The following ELP1 variants were observed in gnomAD, a reference collection of about 807,000 sequenced individuals.
ELP1 encodes elongator complex protein 1.
In ELP1, 131 loss-of-function variants were observed where a neutral mutation model predicts 183.2. The ratio of observed to expected loss-of-function variants is 0.72; its 90% CI spans 0.62 to 0.83. The LOEUF (loss-of-function observed/expected upper bound fraction) is 0.83. Ranked by LOEUF, ELP1 falls within the 40% of genes least tolerant of loss-of-function variation. The pLI is 0.00. For missense variants in ELP1, 1,550 were observed against 1,594.9 expected (o/e 0.97, Z 0.48); for synonymous variants, 555 against 569.0 (o/e 0.98, Z 0.35).
In ELP1 at chr9:108,906,376, G is replaced by A; in HGVS notation, c.1570C>T (p.Pro524Ser). Residue 524 changes from proline to serine, a missense_variant, in exon 14 of 37, where the codon CCC becomes TCC. Transcript: ENST00000374647. Reference protein sequence around the residue: ...FLAVSHSEFSPRSVIHHLTAA... With the variant: ...FLAVSHSEFSSRSVIHHLTAA... ...GTCAAATGGTGAATGACAGACCGGG[G>A]GCTGAACTCACTGTGGCTTACAGCC... 2 of 1,614,052 alleles carry A rather than the reference G, an allele frequency of 1.2e-6. No individual in the cohort carries two copies. The highest frequency in any genetic ancestry group is 1.7e-6 in the Non-Finnish European group (2 of 1,179,950).
intron 25 of ELP1, among the ~76,000 whole-genome samples, chr9:108,894,770 A>C (rs969581091): frequency 2.6e-5 from 4 of 152,216 alleles, no homozygotes. Flanking sequence ...AAACAAACAT[A>C]AAATTATACT....
chr9:108,921,225 C>T (rs1349380557), intron 6 of ELP1, among the ~76,000 whole-genome samples: 5 of 152,112 alleles, frequency 3.3e-5, no homozygotes, highest in Admixed American at 2.0e-4. Context: ...TCATCATCCC[C>T]AAAAGAAACC....
intron 26 of ELP1, among the ~76,000 whole-genome samples, chr9:108,893,558 G>A (rs574823360): frequency 4.6e-5 from 7 of 152,280 alleles, no homozygotes; most frequent in Admixed American, 6.5e-5. Context: ...TTAAAACTGC[G>A]TCTTGCAGGG....
chr9:108,912,376 C>T lies in ELP1; in HGVS notation c.1077G>A (p.Leu359=), dbSNP rs1183588461. 6 of 1,614,072 alleles carry T rather than the reference C, an allele frequency of 3.7e-6. No homozygotes were observed. The highest frequency in any genetic ancestry group is 5.1e-6 in the Non-Finnish European group (6 of 1,180,042). The part of the protein sequence containing the change: ...LMWDPVTPYR[L]HVLCQGWHYL... ...AATGCCAGCCCTGACAGAGAACATGCAGCCGGTATGGGGTCACAGGGTCCC... is the reference window on the plus strand; with the variant it reads ...AATGCCAGCCCTGACAGAGAACATGTAGCCGGTATGGGGTCACAGGGTCCC... Residue 359 remains leucine (L), a synonymous_variant, in exon 11 of 37, where the codon CTG becomes CTA. Coordinates refer to ENST00000374647, the MANE Select transcript of ELP1 (RefSeq NM_003640.5).
chr9:108,880,375 G>A (rs547151441), intron 31 of ELP1, among the ~76,000 whole-genome samples: 3 of 152,174 alleles, frequency 2.0e-5, no homozygotes, highest in Admixed American at 6.5e-5. Flanking sequence ...CCCAGAATAT[G>A]CGCTACCACT....
At chr9:108,872,803 T>TCAAAAAAAAA (rs1564207087) in intron 36 of ELP1, among the ~76,000 whole-genome samples, 1 of 62,788 alleles carries the variant, frequency 1.6e-5, no homozygotes, top group African/African-American at 7.8e-5. Flanking sequence ...AGACTCTGTC[T>TCAAAAAAAAA]GAAAAAAAAA....
Position 108,930,970 on chromosome 9 carries a change from T to C in ELP1, c.150+27A>G, listed in dbSNP as rs759301402. On this transcript the variant is annotated intron_variant, in intron 2 of 36. Transcript: ENST00000374647. ...AGAGAAATCAAGGGTCATACCCACATGCTGGCATTCTACATCAGTAACTTA... is the reference window on the plus strand; with the variant it reads ...AGAGAAATCAAGGGTCATACCCACACGCTGGCATTCTACATCAGTAACTTA... 1.4e-5 allele frequency: 23 copies of C among 1,613,092 alleles called. No homozygotes were observed. In the East Asian group the frequency reaches 4.7e-4, roughly 33 times the overall value.
chr9:108,897,787 G>C (rs1828615074), intron 22 of ELP1, among the ~76,000 whole-genome samples: 1 of 152,200 alleles, frequency 6.6e-6, no homozygotes. Context: ...ATCTGAAGCA[G>C]CTTTCTGAAA....
At position 108,929,938 on chromosome 9, in the gene ELP1, C is replaced by A; in HGVS notation, c.151-17G>T. 1 of 1,612,870 alleles carries A rather than the reference C, an allele frequency of 6.2e-7. No homozygotes were observed. The highest frequency in any genetic ancestry group is 1.1e-5 in the South Asian group (1 of 91,028). On this transcript the variant is annotated splice_polypyrimidine_tract_variant and intron_variant, in intron 2 of 36. Coordinates refer to ENST00000374647, the MANE Select transcript of ELP1 (RefSeq NM_003640.5). ...ATTTTTCACCTTTCACCAAAGTAAA[C>A]ACAAGCAAATTAACCCAGTCTACTT...
intron 29 of ELP1, among the ~76,000 whole-genome samples, chr9:108,883,609 A>T (rs1828012706): frequency 6.6e-6 from 1 of 151,880 alleles, no homozygotes; most frequent in Non-Finnish European, 1.5e-5. Context: ...AAATTTCCTT[A>T]AACAATCATT....
intron 22 of ELP1, among the ~76,000 whole-genome samples, chr9:108,898,220 T>C (rs1429993228): frequency 6.6e-6 from 1 of 152,236 alleles, no homozygotes; most frequent in African/African-American, 2.4e-5. Context: ...AAAGATGCCA[T>C]TTGATTTCAG....
intron 36 of ELP1, among the ~76,000 whole-genome samples, 200 bp downstream of exon 36, chr9:108,874,695 T>C (rs1827631585): frequency 6.6e-6 from 1 of 152,196 alleles, no homozygotes; most frequent in Admixed American, 6.5e-5. Context: ...TGGATTTTCC[T>C]GCACCAGGTC....
chr9:108,902,912 TTCCATG>T lies in ELP1; in HGVS notation c.1775_1780del (p.Pro592_Lys594delinsGln), dbSNP rs749959888. 7 of 1,613,926 alleles carry T rather than the reference TTCCATG, an allele frequency of 4.3e-6. No individual in the cohort carries two copies. In the African/African-American group the frequency reaches 9.3e-5, roughly 22 times the overall value. On this transcript the variant is annotated inframe_deletion, in exon 16 of 37. Coordinates refer to ENST00000374647, the MANE Select transcript of ELP1 (RefSeq NM_003640.5). ...CCGAACAGGAAATCCACCAGAGTTCTTCCATGGTTTAATAGCCAGAGAAGGTGACTC... is the reference window on the plus strand; with the variant it reads ...CCGAACAGGAAATCCACCAGAGTTCTGTTTAATAGCCAGAGAAGGTGACTC...
intron 36 of ELP1, among the ~76,000 whole-genome samples, chr9:108,872,610 C>T (rs941331933): frequency 2.0e-5 from 3 of 151,580 alleles, no homozygotes; most frequent in African/African-American, 7.3e-5. Flanking sequence ...CGAGACCATC[C>T]TGGCTAACAC....
chr9:108,893,833 G>A (rs1587887714), intron 26 of ELP1, 110 bp downstream of exon 26: 1 of 1,152,410 alleles, frequency 8.7e-7, no homozygotes, highest in South Asian at 1.3e-5. Context: ...AGAGTTTTCA[G>A]GAGTGGGAAG....
chr9:108,870,403 A>G (rs114678389), intron 36 of ELP1, among the ~76,000 whole-genome samples: 218 of 152,356 alleles, frequency 1.4e-3, no homozygotes, highest in African/African-American at 5.1e-3. Flanking sequence ...ACAATAAAGT[A>G]AGCTAGAGAA....
At chr9:108,890,465 A>T (rs1404544745) in intron 28 of ELP1, among the ~76,000 whole-genome samples, 4 of 152,144 alleles carry the variant, frequency 2.6e-5, no homozygotes, top group Non-Finnish European at 5.9e-5. Flanking sequence ...TTTACAAGTT[A>T]GGGAAAAAAA....
chr9:108,930,960 C>G (rs1002772159), intron 2 of ELP1, 37 bp downstream of exon 2: 2 of 1,607,816 alleles, frequency 1.2e-6, no homozygotes, highest in Non-Finnish European at 1.7e-6. Flanking sequence ...AATCAAGGGT[C>G]ATACCCACAT....
intron 32 of ELP1, 83 bp downstream of exon 32, chr9:108,879,969 G>C: frequency 1.1e-6 from 1 of 912,000 alleles, no homozygotes; most frequent in South Asian, 1.3e-5. Flanking sequence ...ATTGCAGGCG[G>C]ATCACCAAGC....
Sources: allele counts gnomAD v4.1 joint callset (sites outside exome capture counted in the v4.1 genomes callset), GRCh38; gene constraint gnomAD v4.1.1; transcripts MANE v1.5; gene names NCBI Gene and HGNC (gene_info 2026-07-23, HGNC 2026-07-21).